Variants in CSMD1 observed in about 807,000 individuals in gnomAD.
CSMD1 encodes the protein CUB and Sushi multiple domains 1, also known as CUB and sushi domain-containing protein 1.
A neutral mutation model predicts 417.5 loss-of-function variants in CSMD1; 213 were observed. That is an observed-to-expected ratio of 0.51 (90% CI 0.46 to 0.57). The LOEUF (loss-of-function observed/expected upper bound fraction) is 0.57. Ranked by LOEUF, CSMD1 falls within the 20% of genes least tolerant of loss-of-function variation. The pLI, the probability that CSMD1 is intolerant of heterozygous loss-of-function variation, is 0.00. For synonymous variants in CSMD1, 2,862 were observed against 1,736.8 expected (o/e 1.65, Z -16.11); for missense variants, 6,923 against 4,529.7 (o/e 1.53, Z -15.17).
At chr8:4,656,047 T>C (rs188046329) in intron 1 of CSMD1, among the ~76,000 whole-genome samples, 3 of 152,104 alleles carry the variant, frequency 2.0e-5, no homozygotes, top group African/African-American at 4.8e-5. Flanking sequence ...AGTAGTGTTA[T>C]GGAAGAGAAG....
At chr8:3,302,974 G>T (rs1337577414) in intron 25 of CSMD1, among the ~76,000 whole-genome samples, 1 of 152,192 alleles carries the variant, frequency 6.6e-6, no homozygotes, top group East Asian at 1.9e-4. Context: ...TGCTCCCAGA[G>T]CCCCAGGTTA....
intron 4 of CSMD1, 96 bp downstream of exon 4, chr8:4,031,809 T>C (rs924585938): frequency 3.3e-6 from 3 of 907,212 alleles, no homozygotes; most frequent in Non-Finnish European, 4.8e-6. Flanking sequence ...GCTCAACATG[T>C]ATTATTTTCA....
At chr8:4,855,280 AG>A (rs1345383378) in intron 1 of CSMD1, among the ~76,000 whole-genome samples, 5 of 151,840 alleles carry the variant, frequency 3.3e-5, no homozygotes, top group Non-Finnish European at 7.3e-5. Flanking sequence ...CCATCATCAA[AG>A]ACCAAAAGTA....
At chr8:3,402,584 A>C (rs938003318) in intron 15 of CSMD1, among the ~76,000 whole-genome samples, 1 of 152,308 alleles carries the variant, frequency 6.6e-6, no homozygotes, top group East Asian at 1.9e-4. Context: ...ATAAATAAAT[A>C]ACCTACGCTT....
chr8:3,764,529 C>G (rs1406475498), intron 5 of CSMD1, among the ~76,000 whole-genome samples: 1 of 152,062 alleles, frequency 6.6e-6, no homozygotes, highest in Non-Finnish European at 1.5e-5. Flanking sequence ...ACACCTGAGA[C>G]ATCACCAGGT....
chr8:3,359,898 CA>C (rs1213240001), intron 20 of CSMD1, among the ~76,000 whole-genome samples: 1 of 152,104 alleles, frequency 6.6e-6, no homozygotes, highest in East Asian at 1.9e-4. Context: ...AGAAGACAAG[CA>C]GACAAATAGC....
chr8:3,428,123 T>C (rs1425292943), intron 12 of CSMD1, among the ~76,000 whole-genome samples: 1 of 152,226 alleles, frequency 6.6e-6, no homozygotes, highest in Admixed American at 6.5e-5. Flanking sequence ...TGAAATTAAA[T>C]AGATGTTAAA....
rs886700266 is a variant in CSMD1 at position 3,732,990 on chromosome 8, C to T, written c.931+20940G>A. ...ACCTATCTACCAACCTACCTACCTA[C>T]CTACCTAAAGATACGTGTGCCCTGA... On this transcript the variant is annotated intron_variant, in intron 6 of 69. Coordinates refer to ENST00000635120, the MANE Select transcript of CSMD1 (RefSeq NM_033225.6). Among the ~76,000 whole-genome samples, 4 of 152,076 alleles carry T rather than the reference C, an allele frequency of 2.6e-5. No individual in the cohort carries two copies. The South Asian group carries it at 8.3e-4, about 32-fold the overall frequency.
At chr8:4,544,956 T>C (rs1585230181) in intron 2 of CSMD1, among the ~76,000 whole-genome samples, 2 of 152,224 alleles carry the variant, frequency 1.3e-5, no homozygotes, top group Admixed American at 1.3e-4. Flanking sequence ...AAAAACATAA[T>C]ATGTCACTTG....
intron 3 of CSMD1, among the ~76,000 whole-genome samples, chr8:4,407,620 T>C (rs1259352672): frequency 6.6e-6 from 1 of 152,216 alleles, no homozygotes; most frequent in Non-Finnish European, 1.5e-5. Context: ...GTTAAATATA[T>C]TGGAATTCAT....
At chr8:4,312,724 A>G (rs977190503) in intron 3 of CSMD1, among the ~76,000 whole-genome samples, 32 of 152,178 alleles carry the variant, frequency 2.1e-4, no homozygotes, top group African/African-American at 5.8e-4. Flanking sequence ...TAACGAAAAA[A>G]TGAGCCAGGC....
intron 54 of CSMD1, among the ~76,000 whole-genome samples, chr8:2,991,189 A>T (rs1203062321): frequency 1.3e-5 from 2 of 152,228 alleles, no homozygotes; most frequent in African/African-American, 4.8e-5. Flanking sequence ...TTTATGTAGA[A>T]ACTACATTAA....
intron 12 of CSMD1, among the ~76,000 whole-genome samples, chr8:3,444,996 C>G (rs181270931): frequency 2.0e-4 from 31 of 152,304 alleles, no homozygotes; most frequent in African/African-American, 5.5e-4. Flanking sequence ...TCGAACCTGT[C>G]CAAGCCTCTT....
chr8:4,004,687 G>A (rs898126625), intron 4 of CSMD1, among the ~76,000 whole-genome samples: 4 of 151,966 alleles, frequency 2.6e-5, no homozygotes, highest in South Asian at 2.1e-4. Context: ...AGATTCAGCT[G>A]GTTAGGTTAC....
intron 6 of CSMD1, among the ~76,000 whole-genome samples, chr8:3,713,511 C>T (rs1801646224): frequency 6.6e-6 from 1 of 152,122 alleles, no homozygotes; most frequent in East Asian, 1.9e-4. Flanking sequence ...CCCTCTGCCC[C>T]AGCCCCCACA....
At chr8:4,809,970 G>T (rs1056480198) in intron 1 of CSMD1, among the ~76,000 whole-genome samples, 1 of 152,128 alleles carries the variant, frequency 6.6e-6, no homozygotes, top group Admixed American at 6.5e-5. Flanking sequence ...CTGCAAACGG[G>T]GTAATTACAG....
chr8:3,700,635 G>C (rs1800805700), intron 7 of CSMD1: 1 of 152,170 alleles, frequency 6.6e-6, no homozygotes. Context: ...GCCAGAGAAA[G>C]CGAATTTTAA....
chr8:4,730,428 A>C (rs191099231), intron 1 of CSMD1, among the ~76,000 whole-genome samples: 19 of 152,254 alleles, frequency 1.2e-4, no homozygotes, highest in Non-Finnish European at 2.5e-4. Flanking sequence ...GGGTCATTCA[A>C]AGAATAATCA....
chr8:3,283,488 T>C (rs1448839158), intron 26 of CSMD1, among the ~76,000 whole-genome samples: 4 of 152,076 alleles, frequency 2.6e-5, no homozygotes, highest in Admixed American at 6.5e-5. Flanking sequence ...CCTGATCTTA[T>C]AATGAAAAGA....
Sources: gnomAD v4.1 joint callset for allele counts (sites outside exome capture counted in the v4.1 genomes callset) on GRCh38, gnomAD v4.1.1 for gene constraint, MANE v1.5 for transcripts, NCBI Gene and HGNC (gene_info 2026-07-23, HGNC 2026-07-21) for gene names.